The following UBE2M variants were observed in gnomAD, a reference collection of about 807,000 sequenced individuals.
UBE2M encodes the protein ubiquitin conjugating enzyme E2 M.
Under a neutral mutation model 23.5 loss-of-function variants are expected in UBE2M, and 2 were observed. The ratio of observed to expected loss-of-function variants is 0.09; its 90% CI spans 0.03 to 0.27. UBE2M has a LOEUF of 0.27. Among genes scored for constraint, UBE2M ranks in the 10% least tolerant of loss-of-function variants. The pLI is 1.00. For synonymous variants in UBE2M, 97 were observed against 95.2 expected (o/e 1.02, Z -0.11); for missense variants, 103 against 232.9 (o/e 0.44, Z 3.63).
In UBE2M at chr19:58,557,238, G is replaced by A. The variant is rs1299716057; in HGVS notation, c.110-81C>T. On this transcript the variant is annotated intron_variant, in intron 1 of 5. Transcript: ENST00000253023. ...AGAGGGAGCCAGCAGGACACTTAGG[G>A]CGGGTGTTTGTTAGCAGAGCCCCCA... 1.6e-5 allele frequency: 23 copies of A among 1,443,286 alleles called. 1 individual carries two copies. The East Asian group carries it at 3.6e-4, about 23-fold the overall frequency. The allele number at this position is 1,443,286 out of a possible 1,614,324, so 89.4% of individuals were successfully genotyped here. A position where few individuals can be genotyped will look rare whatever the true frequency, so the allele number is the denominator to read the frequency against.
chr19:58,557,302 G>A, intron 1 of UBE2M, 145 bp from the exon 2 acceptor site: 1 of 769,732 alleles, frequency 1.3e-6, no homozygotes, highest in East Asian at 2.6e-5. Context: ...CTCCTGGGCT[G>A]TGCTCCACAC....
Position 58,556,805 on chromosome 19 carries a change from A to G in UBE2M, c.244-15T>C, listed in dbSNP as rs199790674. On this transcript the variant is annotated splice_polypyrimidine_tract_variant and intron_variant, in intron 3 of 5. Coordinates refer to ENST00000253023, the MANE Select transcript of UBE2M (RefSeq NM_003969.4). This position sits in a 1 kb window ranked among gnomAD's most constrained non-coding sequence, Gnocchi z 4.9. ...CCCTGGCCCACCTGGCTCCAGGAAA[A>G]GAAAAGAGAGATGGGTAGGTGCCTG... 1 of 1,605,208 alleles carries G rather than the reference A, an allele frequency of 6.2e-7. No individual in the cohort carries two copies. Among genetic ancestry groups the G allele is most frequent in the East Asian group, 2.2e-5 (1 of 44,806 alleles).
At position 58,556,451 on chromosome 19, in the gene UBE2M, AGG is replaced by A; in HGVS notation, c.348-74_348-73del. 2 of 1,522,108 alleles carry A rather than the reference AGG, an allele frequency of 1.3e-6. No homozygotes were observed. The highest frequency in any genetic ancestry group is 4.5e-4 in the Middle Eastern group (2 of 4,444). The allele number at this position is 1,522,108 out of a possible 1,614,324, so 94.3% of individuals were successfully genotyped here. On this transcript the variant is annotated intron_variant, in intron 4 of 5. Coordinates refer to ENST00000253023, the MANE Select transcript of UBE2M (RefSeq NM_003969.4). This position sits in a 1 kb window ranked among gnomAD's most constrained non-coding sequence, Gnocchi z 4.9. The stretch of plus-strand genomic sequence containing the variant: ...GCCACAGGCCCCTCTGGTGTTGGGC[AGG>A]TCAGATCCAGGGCATAGGAGAGTGA...
At position 58,556,499 on chromosome 19, in the gene UBE2M, G is replaced by A. The variant is rs2053891514; in HGVS notation, c.348-120C>T. On this transcript the variant is annotated intron_variant, in intron 4 of 5. Coordinates refer to ENST00000253023, the MANE Select transcript of UBE2M (RefSeq NM_003969.4). The surrounding 1 kb of genome is among the most constrained non-coding windows in gnomAD (Gnocchi z 4.9). ...AGTGAGCATGTGAGAGGCTGGGAGG[G>A]AGGGTGTGGAGCAGGACAGGCCAAG... 6 of 1,196,032 alleles carry A rather than the reference G, an allele frequency of 5.0e-6. No homozygotes were observed. The highest frequency in any genetic ancestry group is 7.2e-6 in the Non-Finnish European group (6 of 834,548). 74.1% of individuals were successfully genotyped at this position (1,196,032 alleles called of 1,614,324 possible).
In UBE2M at chr19:58,558,218, G is replaced by A; in HGVS notation, c.109+55C>T. The A allele has an allele frequency of 6.8e-7, 1 of 1,473,088 alleles. No individual in the cohort carries two copies. Among genetic ancestry groups the A allele is most frequent in the Non-Finnish European group, 9.2e-7 (1 of 1,082,008 alleles). 91.3% of individuals were successfully genotyped at this position (1,473,088 alleles called of 1,614,324 possible). On this transcript the variant is annotated intron_variant, in intron 1 of 5. Transcript: ENST00000253023. This position sits in a 1 kb window ranked among gnomAD's most constrained non-coding sequence, Gnocchi z 4.7. ...CCCTTCCTGACTCCCACATCACCCT[G>A]CCTCAGGCCCTGACCTCCGACCTCC...
rs2053906974 is a variant in UBE2M at position 58,558,361 on chromosome 19, C to T, written c.21G>A (p.Leu7=). 1.3e-6 allele frequency: 2 copies of T among 1,562,682 alleles called. No homozygotes were observed. The highest frequency in any genetic ancestry group is 8.6e-7 in the Non-Finnish European group (1 of 1,156,854). ...ACTCCTCCTCCTTCTTCTGCTGCTT[C>T]AGCGAGAACAGCTTGATCATCCTGC... The part of the protein sequence containing the change: MIKLFS[L]KQQKKEEESA... Residue 7 remains leucine, a synonymous_variant, in exon 1 of 6, where the codon CTG becomes CTA. Transcript: ENST00000253023. This position sits in a 1 kb window ranked among gnomAD's most constrained non-coding sequence, Gnocchi z 4.7.
intron 1 of UBE2M, 104 bp from the exon 2 acceptor site, chr19:58,557,261 C>T: frequency 3.4e-6 from 4 of 1,163,848 alleles, no homozygotes; most frequent in Non-Finnish European, 5.2e-6. Flanking sequence ...AGCAGAGCCC[C>T]CATCGTCTCC....
chr19:58,556,247 AG>A lies in UBE2M; in HGVS notation c.412-19del, dbSNP rs752781625. On this transcript the variant is annotated intron_variant, in intron 5 of 5. Transcript: ENST00000253023. This position sits in a 1 kb window ranked among gnomAD's most constrained non-coding sequence, Gnocchi z 4.9. ...TTGGGCTCCTGTGGCCAGTACAGGT[AG>A]GGGGGGTCAACAGGCCAGAGGGACA... 1.2e-5 allele frequency: 20 copies of A among 1,613,678 alleles called. No individual in the cohort carries two copies. In the Admixed American group the frequency reaches 1.5e-4, roughly 12 times the overall value.
intron 1 of UBE2M, 112 bp from the exon 2 acceptor site, chr19:58,557,269 T>G: frequency 9.2e-7 from 1 of 1,090,126 alleles, no homozygotes; most frequent in East Asian, 2.4e-5. Flanking sequence ...CCCCATCGTC[T>G]CCTCCTGGAC....
At position 58,557,107 on chromosome 19, in the gene UBE2M, G is replaced by T. The variant is rs763885620; in HGVS notation, c.160C>A (p.Pro54Thr). Residue 54 changes from proline to threonine, a missense_variant, in exon 2 of 6, where the codon CCA becomes ACA. This residue lies in a region of UBE2M where 57 missense variants were observed against 103.3 expected (regional missense o/e 0.55). Coordinates refer to ENST00000253023, the MANE Select transcript of UBE2M (RefSeq NM_003969.4). ...AGCTTGAAGTTGAGGAGGTCGTCTG[G>T]ATCTGAGAAGCTGATATCACACGTC... The part of the protein sequence containing the change: ...PKTCDISFSD[P>T]DDLLNFKLVI... 85 of 1,613,920 alleles carry T rather than the reference G, an allele frequency of 5.3e-5. No homozygotes were observed. Among genetic ancestry groups the T allele is most frequent in the Non-Finnish European group, 6.9e-5 (81 of 1,180,000 alleles).
chr19:58,557,213 A>G (rs911667569), intron 1 of UBE2M, 56 bp from the exon 2 acceptor site: 6 of 1,540,332 alleles, frequency 3.9e-6, no homozygotes, highest in African/African-American at 2.7e-5. Flanking sequence ...AGAGAGAGAG[A>G]GAGGGAGCCA....
rs770855251 is a variant in UBE2M at position 58,557,155 on chromosome 19, T to C, written c.112A>G (p.Ile38Val). The C allele has an allele frequency of 1.3e-4, 205 of 1,613,722 alleles. No individual in the cohort carries two copies. The highest frequency in any genetic ancestry group is 1.7e-4 in the Admixed American group (10 of 59,980). The change falls in exon 2 of 6, where the codon ATA (isoleucine) becomes GTA (valine). Residue 38 changes from isoleucine to valine, a missense_variant and splice_region_variant. Physicochemically the swap from Ile to Val is conservative, Grantham distance 29. This residue lies in a region of UBE2M where 57 missense variants were observed against 103.3 expected (regional missense o/e 0.55). Coordinates refer to ENST00000253023, the MANE Select transcript of UBE2M (RefSeq NM_003969.4). ...SAAQLRIQKD[I>V]NELNLPKTCD... ...GTCTTGGGCAGGTTCAGCTCGTTTA[T>C]GTCTGGGTTTGGGTAGCAGAGAGTC...
At chr19:58,557,365 C>A (rs1369187592) in intron 1 of UBE2M, among the ~76,000 whole-genome samples, 1 of 151,884 alleles carries the variant, frequency 6.6e-6, no homozygotes, top group Non-Finnish European at 1.5e-5. Context: ...CACAGCATAC[C>A]CCAAACATGC....
At position 58,558,257 on chromosome 19, in the gene UBE2M, T is replaced by C; in HGVS notation, c.109+16A>G. On this transcript the variant is annotated intron_variant, in intron 1 of 5. Coordinates refer to ENST00000253023, the MANE Select transcript of UBE2M (RefSeq NM_003969.4). This position sits in a 1 kb window ranked among gnomAD's most constrained non-coding sequence, Gnocchi z 4.7. ...CCTCCGACCTCCGGCTCCAACCCCATCCCCTGACCCCCTACCCTTCTGGAT... is the reference window on the plus strand; with the variant it reads ...CCTCCGACCTCCGGCTCCAACCCCACCCCCTGACCCCCTACCCTTCTGGAT... The C allele has an allele frequency of 6.3e-7, 1 of 1,579,540 alleles. No individual in the cohort carries two copies.
rs1384310752 is a variant in UBE2M at position 58,556,680 on chromosome 19, T to C, written c.347+7A>G. 2 of 1,524,456 alleles carry C rather than the reference T, an allele frequency of 1.3e-6. No homozygotes were observed. The highest frequency in any genetic ancestry group is 1.8e-6 in the Non-Finnish European group (2 of 1,138,650). The allele number at this position is 1,524,456 out of a possible 1,614,324, so 94.4% of individuals were successfully genotyped here. ...TGAGGAGGGCATTAGAGGGCCAGTGTCCTCACCTGAGGATGTTGAGGCAGA... is the reference window on the plus strand; with the variant it reads ...TGAGGAGGGCATTAGAGGGCCAGTGCCCTCACCTGAGGATGTTGAGGCAGA... On this transcript the variant is annotated splice_region_variant and intron_variant, in intron 4 of 5. Transcript: ENST00000253023. The surrounding 1 kb of genome is among the most constrained non-coding windows in gnomAD (Gnocchi z 4.9).
At position 58,556,773 on chromosome 19, in the gene UBE2M, C is replaced by T. The variant is rs200490506; in HGVS notation, c.261G>A (p.Pro87=). The T allele has an allele frequency of 5.2e-5, 83 of 1,583,072 alleles. No individual in the cohort carries two copies. The highest frequency in any genetic ancestry group is 3.7e-4 in the Admixed American group (20 of 54,252). Residue 87 remains proline (P), a synonymous_variant, in exon 4 of 6, where the codon CCG becomes CCA. Transcript: ENST00000253023. This position sits in a 1 kb window ranked among gnomAD's most constrained non-coding sequence, Gnocchi z 4.9. ...VFSFKVGQGY[P]HDPPKVKCET... is the part of the protein sequence containing the mutation. ...CACACTTCACCTTGGGGGGATCATGCGGGTAACCCTGGCCCACCTGGCTCC... is the reference window on the plus strand; with the variant it reads ...CACACTTCACCTTGGGGGGATCATGTGGGTAACCCTGGCCCACCTGGCTCC...
Position 58,556,513 on chromosome 19 carries a change from G to A in UBE2M, c.348-134C>T. On this transcript the variant is annotated intron_variant, in intron 4 of 5. Transcript: ENST00000253023. The surrounding 1 kb of genome is among the most constrained non-coding windows in gnomAD (Gnocchi z 4.9). The stretch of plus-strand genomic sequence containing the variant: ...AGGCTGGGAGGGAGGGTGTGGAGCA[G>A]GACAGGCCAAGGAGAAAACCAAGGT... 1 of 1,127,474 alleles carries A rather than the reference G, an allele frequency of 8.9e-7. No homozygotes were observed. The highest frequency in any genetic ancestry group is 2.5e-5 in the East Asian group (1 of 39,484). The allele number at this position is 1,127,474 out of a possible 1,614,324, so 69.8% of individuals were successfully genotyped here. A position where few individuals can be genotyped will look rare whatever the true frequency, so the allele number is the denominator to read the frequency against.
rs560122569 is a variant in UBE2M at position 58,556,146 on chromosome 19, C to A, written c.495G>T (p.Gln165His). 79 of 1,613,864 alleles carry A rather than the reference C, an allele frequency of 4.9e-5. No homozygotes were observed. Among genetic ancestry groups the A allele is most frequent in the Admixed American group, 1.2e-4 (7 of 60,024 alleles). The change falls in exon 6 of 6, where the codon CAG becomes CAT. Residue 165 changes from glutamine (Q) to histidine (H), a missense_variant. Gln to His is a conservative substitution (Grantham distance 24, BLOSUM62 0). Transcript: ENST00000253023. This position sits in a 1 kb window ranked among gnomAD's most constrained non-coding sequence, Gnocchi z 4.9. ...CGATGTAGCCACCCCGCATGGAGCG[C>A]TGCACGTTCTGCTCAAACAGCCGCC... is the stretch of plus-strand genomic sequence containing the variant. ...NNRRLFEQNV[Q>H]RSMRGGYIGS...
In UBE2M at chr19:58,558,239, C is replaced by T; in HGVS notation, c.109+34G>A. On this transcript the variant is annotated intron_variant, in intron 1 of 5. Coordinates refer to ENST00000253023, the MANE Select transcript of UBE2M (RefSeq NM_003969.4). The surrounding 1 kb of genome is among the most constrained non-coding windows in gnomAD (Gnocchi z 4.7). ...CCCTGCCTCAGGCCCTGACCTCCGA[C>T]CTCCGGCTCCAACCCCATCCCCTGA... 1 of 1,584,368 alleles carries T rather than the reference C, an allele frequency of 6.3e-7. No individual in the cohort carries two copies. Among genetic ancestry groups the T allele is most frequent in the Non-Finnish European group, 8.6e-7 (1 of 1,162,494 alleles).
Sources: gnomAD v4.1 joint callset for allele counts (sites outside exome capture counted in the v4.1 genomes callset) on GRCh38, gnomAD v4.1.1 for gene constraint, gnomAD v4.1.1 regional missense constraint, Gnocchi (gnomAD v3.1) non-coding constraint, MANE v1.5 for transcripts, NCBI Gene and HGNC (gene_info 2026-07-23, HGNC 2026-07-21) for gene names.